The following S100Z variants were observed in gnomAD, a reference collection of about 807,000 sequenced individuals.
The protein encoded by S100Z is protein S100-Z.
S100Z carries 11 observed loss-of-function variants against 8.5 expected under a neutral mutation model. That is an observed-to-expected ratio of 1.30 (90% confidence interval 0.82 to 2.15). The LOEUF is 2.15. Among genes scored for constraint, S100Z ranks in the 30% most tolerant of loss-of-function variants. S100Z has a pLI of 0.00. For synonymous variants in S100Z, 34 were observed against 43.8 expected (o/e 0.78, Z 0.89); for missense variants, 126 against 117.9 (o/e 1.07, Z -0.32).
At chr5:76,876,459 C>G (rs570688977) in intron 3 of S100Z, among the ~76,000 whole-genome samples, 1 of 151,876 alleles carries the variant, frequency 6.6e-6, no homozygotes, top group African/African-American at 2.4e-5. Flanking sequence ...ATCTCCACCT[C>G]CCAGGTTCGA....
chr5:76,912,612 A>G (rs529219066), intron 4 of S100Z, among the ~76,000 whole-genome samples: 1 of 152,362 alleles, frequency 6.6e-6, no homozygotes, highest in East Asian at 1.9e-4. Context: ...ATCTAATCCT[A>G]CATGCCCATG....
intron 4 of S100Z, among the ~76,000 whole-genome samples, chr5:76,904,975 G>T (rs1744375276): frequency 6.6e-6 from 1 of 152,104 alleles, no homozygotes; most frequent in South Asian, 2.1e-4. Context: ...CTAATCCAGT[G>T]GTTTTCAAAC....
At chr5:76,945,618 G>C in the S100Z span, among the ~76,000 whole-genome samples, 1 of 152,188 alleles carries the variant, frequency 6.6e-6, no homozygotes, top group Non-Finnish European at 1.5e-5. Context: ...GCATAAACCT[G>C]GCCTATGTGC....
At chr5:76,860,867 C>T (rs1334055081) in intron 1 of S100Z, among the ~76,000 whole-genome samples, 24 of 152,086 alleles carry the variant, frequency 1.6e-4, no homozygotes, top group Admixed American at 1.2e-3. Flanking sequence ...TGAGAGGCCA[C>T]GCATGATTTC....
In S100Z at chr5:76,875,389, C is replaced by T. The variant is rs1461455226; in HGVS notation, c.30C>T (p.Asp10=). ...CCACCCAGCTCGAGATGGCCATGGA[C>T]ACCATGATTAGAATCTTCCACCGCT... MPTQLEMAM[D]TMIRIFHRYS... is the part of the protein sequence containing the mutation. Residue 10 remains aspartate, a synonymous_variant, in exon 3 of 5, where the codon GAC becomes GAT. Transcript: ENST00000317593. 2 of 1,613,096 alleles carry T rather than the reference C, an allele frequency of 1.2e-6. No individual in the cohort carries two copies. The highest frequency in any genetic ancestry group is 1.7e-5 in the Admixed American group (1 of 59,872).
the S100Z span, among the ~76,000 whole-genome samples, chr5:76,945,460 G>C: frequency 6.6e-6 from 1 of 152,194 alleles, no homozygotes; most frequent in Non-Finnish European, 1.5e-5. Context: ...CTGCCCCTGG[G>C]AATGGAATGT....
At chr5:76,886,167 TC>T (rs1743621709) in intron 4 of S100Z, among the ~76,000 whole-genome samples, 1 of 152,124 alleles carries the variant, frequency 6.6e-6, no homozygotes, top group Non-Finnish European at 1.5e-5. Flanking sequence ...AAGGCAGGTG[TC>T]CCCGTGAGGT....
chr5:76,865,597 A>G (rs1751246019), intron 1 of S100Z, among the ~76,000 whole-genome samples: 1 of 151,974 alleles, frequency 6.6e-6, no homozygotes, highest in Admixed American at 6.5e-5. Flanking sequence ...AAAAAATTAA[A>G]AATAGAAAAA....
Position 76,875,347 on chromosome 5 carries a change from T to C in S100Z, c.-13T>C. The C allele has an allele frequency of 6.2e-7, 1 of 1,608,732 alleles. No individual in the cohort carries two copies. Among genetic ancestry groups the C allele is most frequent in the Non-Finnish European group, 8.5e-7 (1 of 1,177,444 alleles). ...GGTGGCCTGCTTCTGGAGTGGTCAGTTCTGCTGCCGACATGCCCACCCAGC... is the reference window on the plus strand; with the variant it reads ...GGTGGCCTGCTTCTGGAGTGGTCAGCTCTGCTGCCGACATGCCCACCCAGC... On this transcript the variant is annotated 5_prime_UTR_variant, in exon 3 of 5. Transcript: ENST00000317593.
At chr5:76,916,971 C>G (rs1330949539) in intron 4 of S100Z, among the ~76,000 whole-genome samples, 1 of 151,694 alleles carries the variant, frequency 6.6e-6, no homozygotes, top group Non-Finnish European at 1.5e-5. Flanking sequence ...ACTAAAAATA[C>G]AAAAAGGAGC....
chr5:76,886,897 A>G (rs1458237924), intron 4 of S100Z, among the ~76,000 whole-genome samples: 1 of 152,066 alleles, frequency 6.6e-6, no homozygotes, highest in African/African-American at 2.4e-5. Context: ...ACAATGGTGG[A>G]ATGTCATCAG....
the S100Z span, among the ~76,000 whole-genome samples, chr5:76,928,061 T>C: frequency 1.1e-4 from 16 of 152,182 alleles, no homozygotes; most frequent in African/African-American, 3.9e-4. Flanking sequence ...TGGGCAAGAA[T>C]ACTTCCCATG....
the S100Z span, among the ~76,000 whole-genome samples, chr5:76,939,632 C>T: frequency 6.6e-6 from 1 of 151,204 alleles, no homozygotes; most frequent in East Asian, 2.0e-4. Context: ...CCTGCCTCAG[C>T]CTCCTGAGTA....
At chr5:76,939,641 T>C in the S100Z span, among the ~76,000 whole-genome samples, 2 of 151,014 alleles carry the variant, frequency 1.3e-5, no homozygotes, top group Non-Finnish European at 2.9e-5. Context: ...GCCTCCTGAG[T>C]AGCTGGGATT....
At chr5:76,936,361 A>G in the S100Z span, among the ~76,000 whole-genome samples, 1 of 152,192 alleles carries the variant, frequency 6.6e-6, no homozygotes, top group Non-Finnish European at 1.5e-5. Context: ...GCTTATTTTT[A>G]TAAGAAAAAT....
At chr5:76,915,109 T>C (rs1181762226) in intron 4 of S100Z, among the ~76,000 whole-genome samples, 1 of 151,768 alleles carries the variant, frequency 6.6e-6, no homozygotes, top group African/African-American at 2.4e-5. Flanking sequence ...ATCAAGACCA[T>C]CCTGGCTAAC....
the S100Z span, among the ~76,000 whole-genome samples, chr5:76,949,612 A>C: frequency 6.6e-6 from 1 of 152,212 alleles, no homozygotes; most frequent in African/African-American, 2.4e-5. Context: ...CATACAATGG[A>C]ATATTACTCA....
intron 4 of S100Z, among the ~76,000 whole-genome samples, chr5:76,912,337 C>T (rs1561250048): frequency 6.6e-6 from 1 of 152,186 alleles, no homozygotes; most frequent in Non-Finnish European, 1.5e-5. Flanking sequence ...AAATTATAGT[C>T]CAGACTTATG....
At chr5:76,919,686 T>TGCCTCAAA (rs1421325074) in intron 4 of S100Z, among the ~76,000 whole-genome samples, 2 of 151,358 alleles carry the variant, frequency 1.3e-5, no homozygotes, top group Non-Finnish European at 2.9e-5. Flanking sequence ...ATTTCACTGC[T>TGCCTCAAA]GCCTCAAATT....
Sources: gnomAD v4.1 joint callset for allele counts (sites outside exome capture counted in the v4.1 genomes callset) on GRCh38, gnomAD v4.1.1 for gene constraint, MANE v1.5 for transcripts, NCBI Gene and HGNC (gene_info 2026-07-23, HGNC 2026-07-21) for gene names.